RBFOX1: variants seen among roughly 807,000 people sequenced by gnomAD.
RBFOX1 encodes RNA binding protein fox-1 homolog 1.
In RBFOX1, 8 loss-of-function variants were observed where a neutral mutation model predicts 57.7. The ratio of observed to expected loss-of-function variants is 0.14; its 90% CI spans 0.08 to 0.25. RBFOX1 has a LOEUF of 0.25. Among genes scored for constraint, RBFOX1 ranks in the 10% least tolerant of loss-of-function variants. RBFOX1 has a pLI of 1.00. For missense variants in RBFOX1, 611 were observed against 548.5 expected, an observed-to-expected ratio of 1.11 and a Z score of -1.14; for synonymous variants, 326 against 222.4, an observed-to-expected ratio of 1.47 and a Z score of -4.15.
At chr16:6,977,800 G>A (rs944918153) in intron 3 of RBFOX1, among the ~76,000 whole-genome samples, 2 of 152,102 alleles carry the variant, frequency 1.3e-5, no homozygotes, top group Non-Finnish European at 2.9e-5. Context: ...CGTAGTCAGT[G>A]TGGATTGCAG....
At chr16:6,887,500 A>G (rs185163921) in intron 3 of RBFOX1, among the ~76,000 whole-genome samples, 1 of 152,196 alleles carries the variant, frequency 6.6e-6, no homozygotes, top group East Asian at 1.9e-4. Flanking sequence ...CCCTGGAATC[A>G]TTAATCATGT....
At chr16:5,830,395 C>G (rs546238003) in intron 3 of RBFOX1, among the ~76,000 whole-genome samples, 2 of 144,094 alleles carry the variant, frequency 1.4e-5, no homozygotes, top group African/African-American at 5.1e-5. Context: ...TTTTTTTGTT[C>G]TTTCTGTAAA....
intron 10 of RBFOX1, among the ~76,000 whole-genome samples, chr16:7,620,696 T>C (rs2059174859): frequency 1.3e-5 from 2 of 152,208 alleles, no homozygotes; most frequent in African/African-American, 4.8e-5. Flanking sequence ...ATATTGATCA[T>C]TCTCATGCTG....
intron 4 of RBFOX1, chr16:7,304,140 C>A (rs1274524202): frequency 1.9e-5 from 17 of 908,080 alleles, no homozygotes; most frequent in Non-Finnish European, 2.2e-5. Flanking sequence ...GCGGGGAGAG[C>A]CAGGGAGGAG....
At chr16:7,376,881 G>T (rs1445586096) in intron 4 of RBFOX1, among the ~76,000 whole-genome samples, 1 of 152,066 alleles carries the variant, frequency 6.6e-6, no homozygotes, top group Non-Finnish European at 1.5e-5. Flanking sequence ...CCCTACCAGT[G>T]TCTGGATTTC....
chr16:6,049,147 C>G (rs376994552), intron 1 of RBFOX1, among the ~76,000 whole-genome samples: 1 of 149,272 alleles, frequency 6.7e-6, no homozygotes, highest in African/African-American at 2.5e-5. Flanking sequence ...ACTGCAACCT[C>G]GGCTTTCTGG....
intron 4 of RBFOX1, among the ~76,000 whole-genome samples, chr16:7,376,351 C>G (rs1434544132): frequency 1.3e-5 from 2 of 152,122 alleles, no homozygotes; most frequent in Non-Finnish European, 2.9e-5. Flanking sequence ...TATTTCATAT[C>G]GCTAATGTAT....
intron 4 of RBFOX1, among the ~76,000 whole-genome samples, chr16:7,417,528 T>TTGTGTGTGTGTG (rs545621108): frequency 8.9e-4 from 61 of 68,458 alleles, no homozygotes; most frequent in African/African-American, 2.4e-3. Flanking sequence ...TCACATGGTA[T>TTGTGTGTGTGTG]TGTGTGTGTG....
intron 2 of RBFOX1, among the ~76,000 whole-genome samples, chr16:6,400,153 A>G (rs375545178): frequency 5.9e-5 from 9 of 152,348 alleles, no homozygotes; most frequent in South Asian, 2.1e-4. Flanking sequence ...TACAGCATGC[A>G]CATGTTTTCA....
intron 2 of RBFOX1, among the ~76,000 whole-genome samples, chr16:6,594,495 C>T (rs956553195): frequency 1.3e-5 from 2 of 152,124 alleles, no homozygotes; most frequent in Non-Finnish European, 2.9e-5. Flanking sequence ...GCCCAGCTCT[C>T]ACAGATTGTT....
chr16:6,254,649 T>A (rs1248578762), intron 1 of RBFOX1, among the ~76,000 whole-genome samples: 1 of 152,204 alleles, frequency 6.6e-6, no homozygotes, highest in Non-Finnish European at 1.5e-5. Flanking sequence ...AGTCTCTGCG[T>A]GAAATTCCAT....
At chr16:5,717,352 A>G (rs1246202972) in intron 3 of RBFOX1, among the ~76,000 whole-genome samples, 1 of 152,084 alleles carries the variant, frequency 6.6e-6, no homozygotes, top group Admixed American at 6.6e-5. Flanking sequence ...ACAGATTTAA[A>G]AAAAAATGTT....
chr16:5,360,398 G>C (rs570716768), intron 1 of RBFOX1, among the ~76,000 whole-genome samples: 3 of 152,348 alleles, frequency 2.0e-5, no homozygotes, highest in Non-Finnish European at 4.4e-5. Context: ...CAATGTGCAC[G>C]TGGTTTCCTG....
chr16:6,272,997 T>C (rs1599045610), intron 1 of RBFOX1, among the ~76,000 whole-genome samples: 2 of 152,152 alleles, frequency 1.3e-5, no homozygotes, highest in South Asian at 4.1e-4. Flanking sequence ...CATTGGCTCA[T>C]GCCTGTAATC....
intron 2 of RBFOX1, among the ~76,000 whole-genome samples, chr16:6,532,257 G>C (rs766495848): frequency 1.3e-5 from 2 of 152,148 alleles, no homozygotes; most frequent in Non-Finnish European, 2.9e-5. Context: ...GCATAAAATG[G>C]GGGAGCTGTA....
chr16:7,579,285 C>T (rs750334980), intron 5 of RBFOX1, among the ~76,000 whole-genome samples: 7 of 152,196 alleles, frequency 4.6e-5, no homozygotes, highest in Non-Finnish European at 7.3e-5. Flanking sequence ...TATGTTTTAT[C>T]TGCACAATTA....
intron 3 of RBFOX1, among the ~76,000 whole-genome samples, chr16:6,812,330 A>C (rs1030838050): frequency 2.0e-5 from 3 of 152,130 alleles, no homozygotes; most frequent in African/African-American, 7.2e-5. Flanking sequence ...AGGAAACACA[A>C]TGCAAAGTGC....
chr16:5,266,354 G>A (rs11641593), intron 1 of RBFOX1, among the ~76,000 whole-genome samples: 20,772 of 152,068 alleles, frequency 0.14, 1,758 homozygotes, highest in East Asian at 0.28. Flanking sequence ...CCCAGATATT[G>A]CCTAATGTCC....
intron 3 of RBFOX1, among the ~76,000 whole-genome samples, chr16:6,995,824 C>T (rs749288328): frequency 2.6e-5 from 4 of 152,136 alleles, no homozygotes; most frequent in Non-Finnish European, 5.9e-5. Context: ...GAGGTACTTA[C>T]ACTTGAGATT....
Sources: gnomAD v4.1 joint callset for allele counts (sites outside exome capture counted in the v4.1 genomes callset) on GRCh38, gnomAD v4.1.1 for gene constraint, MANE v1.5 for transcripts, NCBI Gene and HGNC (gene_info 2026-07-23, HGNC 2026-07-21) for gene names.